SCNN1A: variants seen among roughly 807,000 people sequenced by gnomAD.
SCNN1A encodes the protein sodium channel epithelial 1 subunit alpha, also known as epithelial sodium channel subunit alpha.
A neutral mutation model predicts 68.6 loss-of-function variants in SCNN1A; 65 were observed. The ratio of observed to expected loss-of-function variants is 0.95; its 90% CI spans 0.78 to 1.16. The LOEUF is 1.16. SCNN1A is among the 50% of genes most tolerant of loss of function. The pLI is 0.00. For synonymous variants in SCNN1A, 357 were observed against 353.3 expected (o/e 1.01, Z -0.12); for missense variants, 880 against 865.9 (o/e 1.02, Z -0.20).
chr12:6,365,316 C>T (rs887479687), intron 2 of SCNN1A, among the ~76,000 whole-genome samples: 3 of 152,170 alleles, frequency 2.0e-5, no homozygotes, highest in Non-Finnish European at 4.4e-5. Flanking sequence ...TCACTGCACC[C>T]GGCCCCAGCA....
rs1259600646 is a variant in SCNN1A, at chr12:6,348,274, T to G, written c.1630-21A>C. 4 of 1,613,654 alleles carry G rather than the reference T, an allele frequency of 2.5e-6. No homozygotes were observed. In the East Asian group the frequency reaches 8.9e-5, roughly 36 times the overall value. On this transcript the variant is annotated intron_variant, in intron 12 of 12. Coordinates refer to ENST00000228916, the MANE Select transcript of SCNN1A (RefSeq NM_001038.6). ...ACCATCTGTGAGAGGAGAGGTACATTGACGATGGGACAGAGGGTTCTGGAT... is the reference window on the plus strand; with the variant it reads ...ACCATCTGTGAGAGGAGAGGTACATGGACGATGGGACAGAGGGTTCTGGAT...
At chr12:6,354,092 G>A (rs79854748) in intron 8 of SCNN1A, among the ~76,000 whole-genome samples, 8 of 151,730 alleles carry the variant, frequency 5.3e-5, no homozygotes, top group East Asian at 2.0e-4. Context: ...TTAGCTGGGC[G>A]TGGTGGCGGG....
At chr12:6,349,593 AGCACTTTGGGAG>A (rs1441139625) in intron 8 of SCNN1A, among the ~76,000 whole-genome samples, 188 bp from the exon 9 acceptor site, 1 of 152,182 alleles carries the variant, frequency 6.6e-6, no homozygotes, top group Non-Finnish European at 1.5e-5. Flanking sequence ...ACAGTGGCTC[AGCACTTTGGGAG>A]GCCGAGGTGG....
At chr12:6,358,272 AAGAC>A (rs1230090871) in intron 4 of SCNN1A, among the ~76,000 whole-genome samples, 2 of 152,214 alleles carry the variant, frequency 1.3e-5, no homozygotes, top group South Asian at 4.1e-4. Context: ...TAAAGTCAAA[AAGAC>A]AGACAACAGC....
In SCNN1A at chr12:6,348,059, G is replaced by A. The variant is rs993864666; in HGVS notation, c.1824C>T (p.Thr608=). 1 of 1,613,128 alleles carries A rather than the reference G, an allele frequency of 6.2e-7. No individual in the cohort carries two copies. Among genetic ancestry groups the A allele is most frequent in the African/African-American group, 1.3e-5 (1 of 74,894 alleles). Residue 608 remains threonine, a synonymous_variant, in exon 13 of 13, where the codon ACC becomes ACT. Transcript: ENST00000228916. ...GGRGAQEVAS[T]LASSPPSHFC... ...AGTGGGAAGGAGGGGAGGATGCCAGGGTGGAGGCTACCTCCTGAGCACCCC... is the reference window on the plus strand; with the variant it reads ...AGTGGGAAGGAGGGGAGGATGCCAGAGTGGAGGCTACCTCCTGAGCACCCC...
rs1482982543 is a variant in SCNN1A at position 6,374,370 on chromosome 12, G to A, written c.414C>T (p.Tyr138=). Residue 138 remains tyrosine (Y), a splice_region_variant and synonymous_variant, in exon 2 of 13, where the codon TAC becomes TAT. Coordinates refer to ENST00000228916, the MANE Select transcript of SCNN1A (RefSeq NM_001038.6). This position sits in a 1 kb window ranked among gnomAD's most constrained non-coding sequence, Gnocchi z 6.2. ...AAGGGGCAGAGGGACTAACCGACCT[G>A]TAGGGATTGAGGGTGCAGATGGTCA... ...PAVTICTLNP[Y]RYPEIKEELE... 1.2e-6 allele frequency: 2 copies of A among 1,614,080 alleles called. No homozygotes were observed. The highest frequency in any genetic ancestry group is 1.7e-5 in the Admixed American group (1 of 60,002).
rs1948817921 is a variant in SCNN1A, at chr12:6,372,808, G to A, written c.416+1560C>T. Among the ~76,000 whole-genome samples the A allele has an allele frequency of 6.6e-6, 1 of 152,136 alleles. No individual in the cohort carries two copies. Among genetic ancestry groups the A allele is most frequent in the Non-Finnish European group, 1.5e-5 (1 of 68,034 alleles). ...AGGACCCAAGAGAGCTCTGAAATGA[G>A]GCGGAAGCCACATCTGACTGGAAGT... is the stretch of plus-strand genomic sequence containing the variant. On this transcript the variant is annotated intron_variant, in intron 2 of 12. Transcript: ENST00000228916. This position sits in a 1 kb window ranked among gnomAD's most constrained non-coding sequence, Gnocchi z 5.8.
Position 6,348,254 on chromosome 12 carries a change from C to T in SCNN1A, c.1630-1G>A. On this transcript the variant is annotated splice_acceptor_variant, in intron 12 of 12. Transcript: ENST00000228916. LOFTEE classifies it high-confidence loss of function. ...CCAGGTTGGACAGGAGGGTGACCATCTGTGAGAGGAGAGGTACATTGACGA... is the reference window on the plus strand; with the variant it reads ...CCAGGTTGGACAGGAGGGTGACCATTTGTGAGAGGAGAGGTACATTGACGA... The T allele has an allele frequency of 1.2e-6, 2 of 1,614,012 alleles. No individual in the cohort carries two copies. Among genetic ancestry groups the T allele is most frequent in the Non-Finnish European group, 1.7e-6 (2 of 1,180,008 alleles).
chr12:6,350,849 AAT>A (rs931448680), intron 8 of SCNN1A, among the ~76,000 whole-genome samples: 1 of 114,170 alleles, frequency 8.8e-6, no homozygotes, highest in Admixed American at 7.6e-5. Context: ...ATAAATAATA[AAT>A]AAATAAATAA....
At chr12:6,354,306 A>G in intron 8 of SCNN1A, 132 bp downstream of exon 8, 1 of 719,884 alleles carries the variant, frequency 1.4e-6, no homozygotes. Context: ...GCTGAAAAAC[A>G]AGAGCAAGGA....
At position 6,351,754 on chromosome 12, in the gene SCNN1A, C is replaced by T. The variant is rs1158900136; in HGVS notation, c.1361-2349G>A. Among the ~76,000 whole-genome samples the T allele has an allele frequency of 6.9e-6, 1 of 144,214 alleles. No individual in the cohort carries two copies. Among genetic ancestry groups the T allele is most frequent in the Non-Finnish European group, 1.5e-5 (1 of 67,870 alleles). The allele number at this position is 144,214 out of a possible 152,430, so 94.6% of individuals were successfully genotyped here. ...GAAGCTTGGGACTTGCTAATGAGTA[C>T]AAGGTTTATTTATTTATTTATCTGA... On this transcript the variant is annotated intron_variant, in intron 8 of 12. Transcript: ENST00000228916. This position sits in a 1 kb window ranked among gnomAD's most constrained non-coding sequence, Gnocchi z 4.2.
intron 2 of SCNN1A, chr12:6,363,920 C>A: frequency 2.2e-6 from 1 of 462,636 alleles, no homozygotes. Flanking sequence ...ACGGCGAGCC[C>A]AGCCGGGACA....
chr12:6,361,176 A>G (rs1948574699), intron 4 of SCNN1A, among the ~76,000 whole-genome samples: 1 of 152,238 alleles, frequency 6.6e-6, no homozygotes, highest in African/African-American at 2.4e-5. Flanking sequence ...AGTCAAAACT[A>G]TTTGTTGAAC....
At chr12:6,366,656 C>T (rs910212616) in intron 2 of SCNN1A, among the ~76,000 whole-genome samples, 5 of 151,980 alleles carry the variant, frequency 3.3e-5, no homozygotes, top group East Asian at 1.9e-4. Context: ...CAAAATTAGC[C>T]GGGCGTGGTG....
At chr12:6,349,517 G>A in intron 8 of SCNN1A, 112 bp from the exon 9 acceptor site, 1 of 765,254 alleles carries the variant, frequency 1.3e-6, no homozygotes, top group Non-Finnish European at 2.3e-6. Flanking sequence ...GCATTATTTA[G>A]CATTATAATG....
At position 6,373,686 on chromosome 12, in the gene SCNN1A, C is replaced by T. The variant is rs1307079418; in HGVS notation, c.416+682G>A. ...CAAAAGTTCAGGACACACCCAAGCA[C>T]GTAAAGGTCAGGCACCTGGGCAGGT... On this transcript the variant is annotated intron_variant, in intron 2 of 12. Coordinates refer to ENST00000228916, the MANE Select transcript of SCNN1A (RefSeq NM_001038.6). 2.6e-5 allele frequency among the ~76,000 whole-genome samples: 4 copies of T among 152,230 alleles called. No individual in the cohort carries two copies. The East Asian group carries it at 7.7e-4, about 29-fold the overall frequency.
Position 6,374,691 on chromosome 12 carries a change from C to T in SCNN1A, c.93G>A (p.Leu31=), listed in dbSNP as rs749626049. ...MKGNKREEQG[L]GPEPAAPQQP... is the part of the protein sequence containing the mutation. ...GCTGGGGCGCCGCAGGTTCGGGGCCCAGCCCCTGCTCCTCACGCTTGTTCC... is the reference window on the plus strand; with the variant it reads ...GCTGGGGCGCCGCAGGTTCGGGGCCTAGCCCCTGCTCCTCACGCTTGTTCC... The change falls in exon 2 of 13, where the codon CTG becomes CTA. Residue 31 remains leucine (L), a synonymous_variant. Transcript: ENST00000228916. The surrounding 1 kb of genome is among the most constrained non-coding windows in gnomAD (Gnocchi z 6.2). 6.2e-7 allele frequency: 1 copy of T among 1,613,942 alleles called. No individual in the cohort carries two copies. Among genetic ancestry groups the T allele is most frequent in the Non-Finnish European group, 8.5e-7 (1 of 1,179,994 alleles).
At chr12:6,377,289 A>G (rs1385748919), upstream of SCNN1A, 1 of 1,549,606 alleles carries the variant, frequency 6.5e-7, no homozygotes, top group Non-Finnish European at 8.7e-7. Context: ...TGGAAGGGAC[A>G]GCTGGATTTT....
chr12:6,350,634 C>G (rs182756540), intron 8 of SCNN1A, among the ~76,000 whole-genome samples: 1 of 151,798 alleles, frequency 6.6e-6, no homozygotes, highest in Non-Finnish European at 1.5e-5. Flanking sequence ...GTCAGGAATT[C>G]GAGACCAGCC....
Sources: gnomAD v4.1 joint callset for allele counts (sites outside exome capture counted in the v4.1 genomes callset) on GRCh38, gnomAD v4.1.1 for gene constraint, Gnocchi (gnomAD v3.1) non-coding constraint, MANE v1.5 for transcripts, NCBI Gene and HGNC (gene_info 2026-07-23, HGNC 2026-07-21) for gene names.